KLHL29: variants seen among roughly 807,000 people sequenced by gnomAD.
KLHL29 encodes the protein kelch like family member 29, also known as kelch-like protein 29.
KLHL29 carries 21 observed loss-of-function variants against 80.4 expected under a neutral mutation model. The ratio of observed to expected loss-of-function variants is 0.26; its 90% CI spans 0.19 to 0.38. KLHL29 has a LOEUF of 0.38. Among genes scored for constraint, KLHL29 ranks in the 10% least tolerant of loss-of-function variants. KLHL29 has a pLI of 1.00. For missense variants in KLHL29, 867 were observed against 1,223.9 expected, an observed-to-expected ratio of 0.71 and a Z score of 4.35; for synonymous variants, 511 against 526.8, an observed-to-expected ratio of 0.97 and a Z score of 0.41.
intron 3 of KLHL29, among the ~76,000 whole-genome samples, chr2:23,628,194 G>A (rs1049228699): frequency 3.3e-5 from 5 of 152,146 alleles, no homozygotes; most frequent in Non-Finnish European, 7.3e-5. Context: ...ACAGACATGA[G>A]CCACCGCACC....
intron 2 of KLHL29, among the ~76,000 whole-genome samples, chr2:23,490,566 C>T (rs1443376823): frequency 2.6e-5 from 4 of 152,110 alleles, no homozygotes; most frequent in African/African-American, 9.7e-5. Context: ...GTCAAAAGCC[C>T]CCTTCTCAAA....
At chr2:23,497,753 C>T in intron 2 of KLHL29, among the ~76,000 whole-genome samples, 1 of 152,160 alleles carries the variant, frequency 6.6e-6, no homozygotes, top group East Asian at 1.9e-4. Flanking sequence ...TGGCCTGAGG[C>T]TGGTGCGTGC....
intron 2 of KLHL29, among the ~76,000 whole-genome samples, chr2:23,555,574 G>A (rs757398400): frequency 1.1e-4 from 17 of 152,322 alleles, no homozygotes; most frequent in Admixed American, 2.0e-4. Context: ...ATTCATTCCC[G>A]AGGAACGGGC....
At chr2:23,428,144 C>T (rs1353862896) in intron 1 of KLHL29, among the ~76,000 whole-genome samples, 3 of 152,238 alleles carry the variant, frequency 2.0e-5, no homozygotes, top group Admixed American at 6.5e-5. Context: ...GCCTCATCCA[C>T]GACAGCTGCC....
chr2:23,701,880 A>T (rs1672407392), intron 11 of KLHL29, among the ~76,000 whole-genome samples: 1 of 134,486 alleles, frequency 7.4e-6, no homozygotes, highest in Non-Finnish European at 1.5e-5. Context: ...GGCTCACCGC[A>T]GCCTCTGCCT....
intron 5 of KLHL29, among the ~76,000 whole-genome samples, chr2:23,662,565 C>T (rs1020212506): frequency 7.2e-5 from 11 of 152,086 alleles, no homozygotes; most frequent in Admixed American, 6.5e-4. Context: ...TCCTGGTGGG[C>T]GCTTCTGGCC....
At chr2:23,495,677 G>A (rs1450598600) in intron 2 of KLHL29, among the ~76,000 whole-genome samples, 4 of 152,186 alleles carry the variant, frequency 2.6e-5, no homozygotes, top group Non-Finnish European at 5.9e-5. Flanking sequence ...CAGCTCCAGC[G>A]AGAGTGACGG....
intron 3 of KLHL29, among the ~76,000 whole-genome samples, chr2:23,619,534 C>T (rs1203453133): frequency 1.3e-5 from 2 of 152,128 alleles, no homozygotes; most frequent in Non-Finnish European, 2.9e-5. Flanking sequence ...CCAGGGCAGC[C>T]GAAGCAGGCT....
At chr2:23,495,483 A>G (rs975062244) in intron 2 of KLHL29, among the ~76,000 whole-genome samples, 1 of 152,118 alleles carries the variant, frequency 6.6e-6, no homozygotes, top group African/African-American at 2.4e-5. Flanking sequence ...ATGTCATCTC[A>G]CTTAAACCAG....
intron 1 of KLHL29, among the ~76,000 whole-genome samples, chr2:23,403,701 A>G (rs1004349326): frequency 3.5e-4 from 53 of 149,624 alleles, no homozygotes; most frequent in Non-Finnish European, 1.0e-4. Flanking sequence ...AAAGGGGAAG[A>G]TGAAACCCAA....
intron 5 of KLHL29, among the ~76,000 whole-genome samples, chr2:23,678,609 A>T (rs1331032950): frequency 1.3e-5 from 2 of 152,238 alleles, no homozygotes; most frequent in Non-Finnish European, 2.9e-5. Flanking sequence ...CACAGTCTAA[A>T]TAAGTGCTCA....
At chr2:23,604,794 C>T (rs551726489) in intron 3 of KLHL29, among the ~76,000 whole-genome samples, 1 of 152,274 alleles carries the variant, frequency 6.6e-6, no homozygotes, top group East Asian at 1.9e-4. Context: ...CCACGCCTCT[C>T]CAGTGCCTCC....
At chr2:23,476,538 C>G (rs1354859250) in intron 2 of KLHL29, among the ~76,000 whole-genome samples, 1 of 152,078 alleles carries the variant, frequency 6.6e-6, no homozygotes, top group Non-Finnish European at 1.5e-5. Flanking sequence ...CACAATGTAT[C>G]AAGCCATTTC....
At chr2:23,664,727 G>A (rs1157233610) in intron 5 of KLHL29, among the ~76,000 whole-genome samples, 2 of 152,232 alleles carry the variant, frequency 1.3e-5, no homozygotes, top group Admixed American at 6.5e-5. Context: ...GCCCAGGGCT[G>A]GCATGTGGGT....
At chr2:23,440,639 A>C (rs1464448921) in intron 1 of KLHL29, among the ~76,000 whole-genome samples, 1 of 136,734 alleles carries the variant, frequency 7.3e-6, no homozygotes, top group Non-Finnish European at 1.6e-5. Context: ...CAAGAAAAAA[A>C]CAAACAACCC....
At chr2:23,412,773 G>A (rs977283048) in intron 1 of KLHL29, among the ~76,000 whole-genome samples, 1 of 152,158 alleles carries the variant, frequency 6.6e-6, no homozygotes, top group Non-Finnish European at 1.5e-5. Flanking sequence ...GGTGGTCCAC[G>A]GGATGCTATG....
At chr2:23,412,413 CA>C (rs1234582162) in intron 1 of KLHL29, among the ~76,000 whole-genome samples, 1 of 152,080 alleles carries the variant, frequency 6.6e-6, no homozygotes, top group East Asian at 1.9e-4. Context: ...CACTGGGGGA[CA>C]GAGAAGGAAG....
At chr2:23,541,622 A>G (rs1234478727) in intron 2 of KLHL29, among the ~76,000 whole-genome samples, 1 of 152,238 alleles carries the variant, frequency 6.6e-6, no homozygotes, top group African/African-American at 2.4e-5. Context: ...CTAACCAGCA[A>G]TGCAGGGTGA....
rs115450331 is a variant in KLHL29 at position 23,599,314 on chromosome 2, G to T, written c.285+36833G>T. Among the ~76,000 whole-genome samples, 832 of 152,204 alleles carry T rather than the reference G, an allele frequency of 5.5e-3. 6 individuals carry two copies. The highest frequency in any genetic ancestry group is 0.019 in the African/African-American group (796 of 41,532). The stretch of plus-strand genomic sequence containing the variant: ...AAAGTAAAATAGCCCTTACAAGTTG[G>T]TGTAGAAAATGTCAAGGAGCTCTCC... On this transcript the variant is annotated intron_variant, in intron 3 of 13. Transcript: ENST00000486442.
Sources: allele counts gnomAD v4.1 joint callset (sites outside exome capture counted in the v4.1 genomes callset), GRCh38; gene constraint gnomAD v4.1.1; transcripts MANE v1.5; gene names NCBI Gene and HGNC (gene_info 2026-07-23, HGNC 2026-07-21).